The following TOPAZ1 variants were observed in gnomAD, a reference collection of about 807,000 sequenced individuals.
TOPAZ1 encodes protein TOPAZ1.
A neutral mutation model predicts 172.2 loss-of-function variants in TOPAZ1; 66 were observed. The ratio of observed to expected loss-of-function variants is 0.38; its 90% CI spans 0.31 to 0.47. The LOEUF (loss-of-function observed/expected upper bound fraction) is 0.47, where lower values mean the gene tolerates loss of function less well. Ranked by LOEUF, TOPAZ1 falls within the 20% of genes least tolerant of loss-of-function variation. TOPAZ1 has a pLI of 0.99. For synonymous variants in TOPAZ1, 681 were observed against 683.9 expected (o/e 1.00, Z 0.07); for missense variants, 1,822 against 1,972.4 (o/e 0.92, Z 1.44).
intron 5 of TOPAZ1, among the ~76,000 whole-genome samples, chr3:44,266,047 G>A (rs1211650398): frequency 6.6e-6 from 1 of 152,196 alleles, no homozygotes; most frequent in East Asian, 1.9e-4. Context: ...CCATTAGCAA[G>A]TTGACCTTGC....
At chr3:44,322,516 G>A (rs1700551901) in intron 17 of TOPAZ1, among the ~76,000 whole-genome samples, 1 of 152,140 alleles carries the variant, frequency 6.6e-6, no homozygotes, top group African/African-American at 2.4e-5. Flanking sequence ...CTATTGCAAA[G>A]GAAGTTAATG....
intron 16 of TOPAZ1, among the ~76,000 whole-genome samples, chr3:44,310,544 A>G (rs1348161989): frequency 2.0e-5 from 3 of 152,144 alleles, no homozygotes; most frequent in Non-Finnish European, 2.9e-5. Context: ...CCTAGGCTCC[A>G]TATTAATGCT....
At position 44,306,376 on chromosome 3, in the gene TOPAZ1, A is replaced by G. The variant is rs1700336916; in HGVS notation, c.4090A>G (p.Ile1364Val). ...AGTAGATAAAGGTGTACTGGGAAGAATTGGAATCAGTGCTATGTACTTCTA... is the reference window on the plus strand; with the variant it reads ...AGTAGATAAAGGTGTACTGGGAAGAGTTGGAATCAGTGCTATGTACTTCTA... ...SKVDKGVLGR[I>V]GISAMYFYHK... The change falls in exon 15 of 20, where the codon ATT becomes GTT. Residue 1364 changes from isoleucine (I) to valine (V), a missense_variant. Ile to Val is a conservative substitution (Grantham distance 29). Coordinates refer to ENST00000309765, the MANE Select transcript of TOPAZ1 (RefSeq NM_001145030.2). The G allele has an allele frequency of 6.5e-7, 1 of 1,549,146 alleles. No homozygotes were observed.
chr3:44,278,177 A>G (rs1194488775), intron 8 of TOPAZ1, among the ~76,000 whole-genome samples: 5 of 152,274 alleles, frequency 3.3e-5, no homozygotes, highest in Admixed American at 2.0e-4. Flanking sequence ...GTGATATATC[A>G]TGTTTATTTA....
At chr3:44,257,404 T>C (rs1478418853) in intron 4 of TOPAZ1, among the ~76,000 whole-genome samples, 1 of 100,568 alleles carries the variant, frequency 9.9e-6, no homozygotes, top group East Asian at 3.2e-4. Flanking sequence ...TGTGTGTGTG[T>C]GTGTCTATTT....
At chr3:44,301,140 A>G (rs889857585) in intron 12 of TOPAZ1, among the ~76,000 whole-genome samples, 15 of 152,184 alleles carry the variant, frequency 9.9e-5, no homozygotes, top group Admixed American at 7.9e-4. Context: ...TGGAGAGGGG[A>G]TGAGTATAAA....
At chr3:44,297,365 A>G (rs1700211674) in intron 12 of TOPAZ1, among the ~76,000 whole-genome samples, 2 of 147,814 alleles carry the variant, frequency 1.4e-5, no homozygotes, top group Non-Finnish European at 3.1e-5. Context: ...GTAATTCATC[A>G]TATCTACAAC....
At position 44,243,308 on chromosome 3, in the gene TOPAZ1, C is replaced by A; in HGVS notation, c.802C>A (p.Leu268Ile). ...CTCAAAGAAAGAAAACCTTAGGAGT[C>A]TTGCAGAGAAGAGTGACACAAATAG... ...NFSKKENLRS[L>I]AEKSDTNSIP... Residue 268 changes from leucine to isoleucine, a missense_variant, in exon 2 of 20, where the codon CTT becomes ATT. Coordinates refer to ENST00000309765, the MANE Select transcript of TOPAZ1 (RefSeq NM_001145030.2). 1 of 1,551,470 alleles carries A rather than the reference C, an allele frequency of 6.4e-7. No homozygotes were observed. Among genetic ancestry groups the A allele is most frequent in the Non-Finnish European group, 8.7e-7 (1 of 1,146,936 alleles).
At chr3:44,312,439 A>G (rs554907819) in intron 16 of TOPAZ1, among the ~76,000 whole-genome samples, 4 of 152,216 alleles carry the variant, frequency 2.6e-5, no homozygotes, top group Non-Finnish European at 4.4e-5. Flanking sequence ...AACTTTTTAC[A>G]TATATTTTTC....
chr3:44,319,100 C>A (rs903164198), intron 16 of TOPAZ1, among the ~76,000 whole-genome samples: 2 of 152,028 alleles, frequency 1.3e-5, no homozygotes, highest in Non-Finnish European at 2.9e-5. Flanking sequence ...CCCCTTCCCC[C>A]ACGGCCAGGT....
chr3:44,281,864 T>C, intron 8 of TOPAZ1, 104 bp from the exon 9 acceptor site: 1 of 654,420 alleles, frequency 1.5e-6, no homozygotes, highest in South Asian at 2.4e-5. Context: ...TCCTTTGAGA[T>C]CATTTAAAAA....
At chr3:44,324,985 CA>C (rs1158230436) in intron 18 of TOPAZ1, among the ~76,000 whole-genome samples, 3 of 152,106 alleles carry the variant, frequency 2.0e-5, no homozygotes, top group Admixed American at 1.3e-4. Flanking sequence ...GAGACTTATG[CA>C]AGTGAGGTTA....
chr3:44,269,748 C>A, intron 7 of TOPAZ1, among the ~76,000 whole-genome samples: 1 of 151,898 alleles, frequency 6.6e-6, no homozygotes, highest in African/African-American at 2.4e-5. Flanking sequence ...TCTCCTGCCT[C>A]AGCCTCCTGA....
intron 6 of TOPAZ1, 108 bp downstream of exon 6, chr3:44,267,244 G>T: frequency 6.5e-6 from 5 of 765,274 alleles, no homozygotes; most frequent in Non-Finnish European, 7.5e-6. Flanking sequence ...ATGGAATCAT[G>T]TAGAATATGT....
At chr3:44,333,825 A>G (rs542174768), downstream of TOPAZ1, among the ~76,000 whole-genome samples, 43 of 152,288 alleles carry the variant, frequency 2.8e-4, no homozygotes, top group Admixed American at 4.6e-4. Flanking sequence ...TTGAAAAGGA[A>G]GTTTCATTAG....
chr3:44,329,994 T>C (rs553585294), intron 19 of TOPAZ1, among the ~76,000 whole-genome samples: 151 of 152,232 alleles, frequency 9.9e-4, no homozygotes, highest in Non-Finnish European at 1.8e-3. Flanking sequence ...CTTCACAAAC[T>C]CAAGAGACCC....
chr3:44,287,899 C>T, intron 11 of TOPAZ1, 60 bp downstream of exon 11: 1 of 801,402 alleles, frequency 1.2e-6, no homozygotes, highest in Admixed American at 3.4e-5. Context: ...ATAATTGTTT[C>T]CATGGGGGGG....
At chr3:44,287,863 T>A in intron 11 of TOPAZ1, 24 bp downstream of exon 11, 1 of 1,161,536 alleles carries the variant, frequency 8.6e-7, no homozygotes, top group Non-Finnish European at 1.2e-6. Context: ...TTCTCTTTTA[T>A]TCTCTGATGG....
chr3:44,244,975 T>C lies in TOPAZ1; in HGVS notation c.2469T>C (p.Cys823=). Residue 823 remains cysteine (C), a synonymous_variant, in exon 2 of 20, where the codon TGT becomes TGC. Coordinates refer to ENST00000309765, the MANE Select transcript of TOPAZ1 (RefSeq NM_001145030.2). Reference sequence around the variant, plus strand: ...TAGAGAAAAGTCCTTCCTTCTGCTGTAATGAACAAGAAACATTCCGACCAG... The same window carrying C: ...TAGAGAAAAGTCCTTCCTTCTGCTGCAATGAACAAGAAACATTCCGACCAG... ...GYVEKSPSFC[C]NEQETFRPVS... 1 of 1,551,738 alleles carries C rather than the reference T, an allele frequency of 6.4e-7. No individual in the cohort carries two copies.
Sources: allele counts gnomAD v4.1 joint callset (sites outside exome capture counted in the v4.1 genomes callset), GRCh38; gene constraint gnomAD v4.1.1; transcripts MANE v1.5; gene names NCBI Gene and HGNC (gene_info 2026-07-23, HGNC 2026-07-21).